The following PCDH15 variants were observed in gnomAD, a reference collection of about 807,000 sequenced individuals.
PCDH15 encodes protocadherin-15.
PCDH15 carries 129 observed loss-of-function variants against 178.5 expected under a neutral mutation model. That is an observed-to-expected ratio of 0.72 (90% confidence interval 0.63 to 0.84). The LOEUF is 0.84. PCDH15 is among the 40% of genes least tolerant of loss of function. The pLI is 0.00. For missense variants in PCDH15, 2,230 were observed against 2,099.9 expected, an observed-to-expected ratio of 1.06 and a Z score of -1.21; for synonymous variants, 800 against 732.0, an observed-to-expected ratio of 1.09 and a Z score of -1.50.
chr10:54,778,999 G>T (rs1912985), intron 1 of PCDH15, among the ~76,000 whole-genome samples: 32,181 of 151,806 alleles, frequency 0.21, 3,874 homozygotes, highest in East Asian at 0.45. Context: ...TATGCTGCTC[G>T]TGTGTGAAGG....
At position 54,153,226 on chromosome 10, in the gene PCDH15, T is replaced by G; in HGVS notation, c.1658A>C (p.Gln553Pro). The change falls in exon 14 of 38, where the codon CAG becomes CCG. Residue 553 changes from glutamine to proline, a missense_variant. Physicochemically the swap from Gln to Pro is moderately conservative, Grantham distance 76. Transcript: ENST00000644397. ...EITYEILVGAQGDFIINKTTG... is the reference protein window; with the variant it reads ...EITYEILVGAPGDFIINKTTG... ...TGTTTTATTGATGATGAAGTCTCCCTGAGCCCCAACAAGGATTTCATATGT... is the reference window on the plus strand; with the variant it reads ...TGTTTTATTGATGATGAAGTCTCCCGGAGCCCCAACAAGGATTTCATATGT... 1 of 1,613,898 alleles carries G rather than the reference T, an allele frequency of 6.2e-7. No homozygotes were observed. The highest frequency in any genetic ancestry group is 8.5e-7 in the Non-Finnish European group (1 of 1,179,866).
chr10:55,339,290 T>TAAC (rs34058084), intron 2 of PCDH15, among the ~76,000 whole-genome samples: 27,885 of 150,542 alleles, frequency 0.19, 2,839 homozygotes, highest in East Asian at 0.3. Context: ...CCATAACAAT[T>TAAC]AACAACAACA....
intron 2 of PCDH15, chr10:54,619,325 G>A (rs554171988): frequency 3.9e-5 from 6 of 152,002 alleles, no homozygotes; most frequent in African/African-American, 1.4e-4. Context: ...CTTAAAAAAA[G>A]TAAGTAATTT....
At chr10:55,621,790 G>C (rs971360469) in intron 2 of PCDH15, among the ~76,000 whole-genome samples, 12 of 150,994 alleles carry the variant, frequency 7.9e-5, no homozygotes, top group African/African-American at 2.9e-4. Flanking sequence ...GGTGAAAAAG[G>C]GTACATGTGG....
At chr10:54,656,743 G>A (rs1464805589) in intron 2 of PCDH15, among the ~76,000 whole-genome samples, 3 of 152,132 alleles carry the variant, frequency 2.0e-5, no homozygotes, top group Admixed American at 6.5e-5. Flanking sequence ...CTGGGGAATG[G>A]GGGTGCACAG....
In PCDH15 at chr10:55,538,939, CTT is replaced by C. The variant is rs1485804026; in HGVS notation, c.-156+88684_-156+88685del. ...CCTTCCTTCCTTCCTCCTTTCCTTC[CTT>C]CCTCCCTTCCTTCCTTTCCTTCCTT... On this transcript the variant is annotated intron_variant, in intron 2 of 5. Coordinates refer to the PCDH15 transcript ENST00000613346. Among the ~76,000 whole-genome samples the C allele has an allele frequency of 2.0e-3, 140 of 71,724 alleles. 17 individuals are homozygous for C. In the East Asian group the frequency reaches 0.036, roughly 18 times the overall value. 47.1% of individuals were successfully genotyped at this position (71,724 alleles called of 152,430 possible). A position where few individuals can be genotyped will look rare whatever the true frequency, so the allele number is the denominator to read the frequency against.
At position 54,577,056 on chromosome 10, in the gene PCDH15, T is replaced by C. The variant is rs563168716; in HGVS notation, c.92-49179A>G. Among the ~76,000 whole-genome samples the C allele has an allele frequency of 3.3e-5, 5 of 150,800 alleles. No homozygotes were observed. In the East Asian group the frequency reaches 7.9e-4, roughly 24 times the overall value. ...GTGAAGATAAAAGAAGAGCACAGAA[T>C]GTATACCTGAAAGACCTGAAGAAAA... On this transcript the variant is annotated intron_variant, in intron 2 of 37. Coordinates refer to ENST00000644397, the MANE Select transcript of PCDH15 (RefSeq NM_001384140.1).
chr10:55,497,947 T>A (rs1054852829), intron 2 of PCDH15, among the ~76,000 whole-genome samples: 1 of 151,900 alleles, frequency 6.6e-6, no homozygotes, highest in African/African-American at 2.4e-5. Flanking sequence ...TCTAGAATCT[T>A]GTGATTTAAA....
intron 8 of PCDH15, among the ~76,000 whole-genome samples, chr10:54,241,921 T>C (rs901123261): frequency 6.6e-6 from 1 of 151,430 alleles, no homozygotes; most frequent in Admixed American, 6.6e-5. Flanking sequence ...AATTATTCTA[T>C]TTTGAATACA....
In PCDH15 at chr10:55,329,005, G is replaced by A. The variant is rs1281783456; in HGVS notation, c.-155-162354C>T. Among the ~76,000 whole-genome samples, 6 of 79,332 alleles carry A rather than the reference G, an allele frequency of 7.6e-5. No individual in the cohort carries two copies. In the Admixed American group the frequency reaches 8.5e-4, roughly 11 times the overall value. The allele number at this position is 79,332 out of a possible 152,430, so 52.0% of individuals were successfully genotyped here. On this transcript the variant is annotated intron_variant, in intron 2 of 5. Transcript: ENST00000613346. ...ATTTGGAAATATATTCCATTTTCGT[G>A]TGTGTGTGTGTGTGTGTGTGTTTGT...
intron 2 of PCDH15, among the ~76,000 whole-genome samples, chr10:55,134,179 A>C (rs2132080722): frequency 6.6e-6 from 1 of 152,152 alleles, no homozygotes; most frequent in Non-Finnish European, 1.5e-5. Flanking sequence ...ACAGTCCTCC[A>C]GCTATAGGGG....
intron 26 of PCDH15, among the ~76,000 whole-genome samples, chr10:53,902,297 C>T (rs1281482415): frequency 1.3e-5 from 2 of 151,926 alleles, no homozygotes; most frequent in Non-Finnish European, 2.9e-5. Flanking sequence ...TTTTTTCTTA[C>T]TGAGAGTGTT....
intron 2 of PCDH15, among the ~76,000 whole-genome samples, chr10:54,661,634 A>G (rs1314693055): frequency 1.3e-5 from 2 of 151,972 alleles, no homozygotes; most frequent in African/African-American, 2.4e-5. Context: ...GGGGCATCAC[A>G]TTATCTGACT....
chr10:54,732,939 A>C (rs1943603098), intron 1 of PCDH15, among the ~76,000 whole-genome samples: 2 of 151,630 alleles, frequency 1.3e-5, no homozygotes, highest in African/African-American at 4.8e-5. Context: ...AAATCAATAG[A>C]TTCAGAAGAA....
intron 2 of PCDH15, among the ~76,000 whole-genome samples, chr10:54,543,129 A>G (rs544247434): frequency 7.6e-6 from 1 of 132,166 alleles, no homozygotes; most frequent in South Asian, 3.3e-4. Flanking sequence ...CGAATGGCCC[A>G]CTCCAAGGGA....
intron 2 of PCDH15, among the ~76,000 whole-genome samples, chr10:55,082,108 A>C (rs989828262): frequency 1.7e-4 from 26 of 152,180 alleles, no homozygotes; most frequent in Non-Finnish European, 1.3e-4. Context: ...ATTTCATCTA[A>C]CTGCTGCAGA....
chr10:54,932,969 A>T (rs1837820126), intron 2 of PCDH15, among the ~76,000 whole-genome samples: 1 of 152,136 alleles, frequency 6.6e-6, no homozygotes, highest in Admixed American at 6.6e-5. Context: ...AGTGCTCTAT[A>T]AAGGTGTACC....
chr10:54,364,338 T>A (rs992270234), intron 5 of PCDH15, among the ~76,000 whole-genome samples: 1 of 152,200 alleles, frequency 6.6e-6, no homozygotes, highest in Non-Finnish European at 1.5e-5. Flanking sequence ...AAGTATTTAA[T>A]TTAATGCCAT....
At chr10:55,214,955 T>A (rs537973759) in intron 1 of PCDH15, among the ~76,000 whole-genome samples, 2 of 152,130 alleles carry the variant, frequency 1.3e-5, no homozygotes, top group Non-Finnish European at 2.9e-5. Flanking sequence ...AGCTTGAATT[T>A]GAGAGAGAAC....
Sources: gnomAD v4.1 joint callset for allele counts (sites outside exome capture counted in the v4.1 genomes callset) on GRCh38, gnomAD v4.1.1 for gene constraint, MANE v1.5 for transcripts, NCBI Gene and HGNC (gene_info 2026-07-23, HGNC 2026-07-21) for gene names.